Variants in TJP1 observed in about 807,000 individuals in gnomAD.
TJP1 encodes the protein tight junction protein ZO-1.
Under a neutral mutation model 194.2 loss-of-function variants are expected in TJP1, and 43 were observed. The ratio of observed to expected loss-of-function variants is 0.22; its 90% confidence interval spans 0.17 to 0.29. TJP1 has a LOEUF of 0.29. Among genes scored for constraint, TJP1 ranks in the 10% least tolerant of loss-of-function variants. The pLI is 1.00. For missense variants in TJP1, 1,971 were observed against 2,185.7 expected (o/e 0.90, Z 1.96); for synonymous variants, 801 against 779.0 (o/e 1.03, Z -0.47).
intron 8 of TJP1, chr15:29,759,526 T>C (rs2045862658): frequency 6.6e-6 from 1 of 152,232 alleles, no homozygotes; most frequent in Admixed American, 6.5e-5. Context: ...ATTTCAAGTA[T>C]ACGTTATTAA....
intron 2 of TJP1, among the ~76,000 whole-genome samples, chr15:29,831,780 A>G (rs1347084252): frequency 6.6e-6 from 1 of 152,200 alleles, no homozygotes; most frequent in Non-Finnish European, 1.5e-5. Context: ...ATGTTGAAAT[A>G]TTTACAGTTG....
At chr15:29,960,115 G>A (rs562259867) in intron 1 of TJP1, among the ~76,000 whole-genome samples, 7 of 152,146 alleles carry the variant, frequency 4.6e-5, no homozygotes, top group East Asian at 3.9e-4. Context: ...AGTGTTCTTC[G>A]TAAGTTTTTC....
intron 2 of TJP1, among the ~76,000 whole-genome samples, chr15:29,950,313 C>A (rs1430136770): frequency 4.0e-5 from 6 of 151,596 alleles, no homozygotes; most frequent in Non-Finnish European, 8.8e-5. Context: ...ACCACCACCA[C>A]CTCCTTCACC....
chr15:29,852,594 C>G (rs2051683790), intron 2 of TJP1, among the ~76,000 whole-genome samples: 1 of 152,162 alleles, frequency 6.6e-6, no homozygotes, highest in Non-Finnish European at 1.5e-5. Context: ...CAATTGCACT[C>G]TTAGGCATTT....
chr15:29,717,230 A>T (rs1187558420), intron 22 of TJP1, among the ~76,000 whole-genome samples: 1 of 152,214 alleles, frequency 6.6e-6, no homozygotes, highest in Non-Finnish European at 1.5e-5. Context: ...AGGGATTTTT[A>T]AGAACTCAGT....
At chr15:29,873,717 A>G (rs1473051142) in intron 2 of TJP1, among the ~76,000 whole-genome samples, 1 of 152,188 alleles carries the variant, frequency 6.6e-6, no homozygotes, top group Non-Finnish European at 1.5e-5. Context: ...CAGACTAGGC[A>G]TGGGGCTTTA....
intron 7 of TJP1, 52 bp from the exon 8 acceptor site, chr15:29,761,338 G>C: frequency 1.3e-6 from 2 of 1,598,240 alleles, no homozygotes. Context: ...TTACAGTCAA[G>C]TATAAGGTAC....
chr15:29,885,157 G>A (rs1265650993), intron 2 of TJP1, among the ~76,000 whole-genome samples: 2 of 152,084 alleles, frequency 1.3e-5, no homozygotes, highest in Non-Finnish European at 2.9e-5. Context: ...TGTAGATCTC[G>A]ATCCTGTCCT....
intron 8 of TJP1, among the ~76,000 whole-genome samples, chr15:29,757,758 G>A (rs1241624243): frequency 3.3e-5 from 5 of 152,094 alleles, no homozygotes; most frequent in Admixed American, 2.6e-4. Flanking sequence ...CTAACCATTA[G>A]TTCCCACATC....
intron 8 of TJP1, among the ~76,000 whole-genome samples, chr15:29,757,830 T>G (rs2045743685): frequency 1.3e-5 from 2 of 152,204 alleles, no homozygotes; most frequent in African/African-American, 4.8e-5. Context: ...AGTTGACCCT[T>G]GAAGAGCATG....
At chr15:29,764,829 TGGA>T (rs1412804658) in intron 5 of TJP1, among the ~76,000 whole-genome samples, 1 of 152,152 alleles carries the variant, frequency 6.6e-6, no homozygotes, top group African/African-American at 2.4e-5. Context: ...GCCTAACAGT[TGGA>T]ACACAAGAGT....
At chr15:29,887,836 T>G (rs543468153) in intron 2 of TJP1, among the ~76,000 whole-genome samples, 4 of 152,342 alleles carry the variant, frequency 2.6e-5, no homozygotes, top group African/African-American at 9.6e-5. Flanking sequence ...AACATTTGTA[T>G]AAGATTTTTG....
intron 1 of TJP1, 101 bp downstream of exon 1, chr15:29,821,901 A>G (rs2050396486): frequency 5.6e-6 from 6 of 1,076,948 alleles, no homozygotes; most frequent in Middle Eastern, 4.0e-4. Context: ...CCCGGGGCCC[A>G]GACAGCCGCC....
chr15:29,939,586 C>A (rs2152281514), intron 2 of TJP1, among the ~76,000 whole-genome samples: 1 of 152,212 alleles, frequency 6.6e-6, no homozygotes, highest in South Asian at 2.1e-4. Flanking sequence ...TAAGAGAAGG[C>A]AAGGAAAAAT....
intron 2 of TJP1, among the ~76,000 whole-genome samples, chr15:29,954,661 T>G (rs2055872747): frequency 1.3e-5 from 2 of 152,246 alleles, no homozygotes. Flanking sequence ...ATTTTACCTA[T>G]TTATGTCTTG....
chr15:29,747,491 T>C (rs2044878771), intron 8 of TJP1, among the ~76,000 whole-genome samples: 1 of 152,030 alleles, frequency 6.6e-6, no homozygotes, highest in South Asian at 2.1e-4. Flanking sequence ...GATTAATATA[T>C]TATAAATACA....
At chr15:29,737,087 G>A (rs966622730) in intron 11 of TJP1, among the ~76,000 whole-genome samples, 177 bp downstream of exon 11, 2 of 152,194 alleles carry the variant, frequency 1.3e-5, no homozygotes, top group African/African-American at 4.8e-5. Flanking sequence ...ACAAGAATGG[G>A]AAGTGAGAAG....
intron 2 of TJP1, among the ~76,000 whole-genome samples, chr15:29,879,965 G>T (rs1380763435): frequency 6.6e-6 from 1 of 152,158 alleles, no homozygotes; most frequent in Non-Finnish European, 1.5e-5. Flanking sequence ...TATTGGAAGG[G>T]CAATGGAGAA....
chr15:29,809,468 G>A (rs1019117362), intron 1 of TJP1, among the ~76,000 whole-genome samples: 1 of 152,054 alleles, frequency 6.6e-6, no homozygotes, highest in Admixed American at 6.6e-5. Context: ...CAGAAATGGG[G>A]GACCTCATAT....
Sources: allele counts gnomAD v4.1 joint callset (sites outside exome capture counted in the v4.1 genomes callset), GRCh38; gene constraint gnomAD v4.1.1; transcripts MANE v1.5; gene names NCBI Gene and HGNC (gene_info 2026-07-23, HGNC 2026-07-21).